TNRC6B: variants seen among roughly 807,000 people sequenced by gnomAD.
TNRC6B encodes the protein trinucleotide repeat containing adaptor 6B, also known as trinucleotide repeat-containing gene 6B protein.
Under a neutral mutation model 203.6 loss-of-function variants are expected in TNRC6B, and 52 were observed. The ratio of observed to expected loss-of-function variants is 0.26; its 90% CI spans 0.20 to 0.32. The LOEUF is 0.32. Ranked by LOEUF, TNRC6B falls within the 10% of genes least tolerant of loss-of-function variation. TNRC6B has a pLI of 1.00. For missense variants in TNRC6B, 1,923 were observed against 2,286.2 expected (o/e 0.84, Z 3.24); for synonymous variants, 838 against 845.7 (o/e 0.99, Z 0.16).
intron 1 of TNRC6B, among the ~76,000 whole-genome samples, chr22:40,087,977 C>T (rs1312734607): frequency 6.6e-6 from 1 of 152,088 alleles, no homozygotes; most frequent in Admixed American, 6.6e-5. Context: ...CAGCTTTTCT[C>T]TCCTATTTCT....
chr22:40,121,631 G>A (rs2068446635), intron 2 of TNRC6B, among the ~76,000 whole-genome samples: 1 of 152,218 alleles, frequency 6.6e-6, no homozygotes. Context: ...GGCCAGAGCA[G>A]CCAGTGTATG....
chr22:40,119,767 T>C (rs1257458353), intron 2 of TNRC6B, among the ~76,000 whole-genome samples: 4 of 152,238 alleles, frequency 2.6e-5, no homozygotes. Flanking sequence ...ACATTAGACT[T>C]TGTCACTTCT....
chr22:40,134,305 T>C (rs1196201483), intron 3 of TNRC6B, among the ~76,000 whole-genome samples: 1 of 152,212 alleles, frequency 6.6e-6, no homozygotes. Flanking sequence ...CAATTTCTAG[T>C]TGTCTTCCCT....
At chr22:40,120,228 T>C (rs375661208) in intron 2 of TNRC6B, among the ~76,000 whole-genome samples, 16 of 151,906 alleles carry the variant, frequency 1.1e-4, no homozygotes, top group South Asian at 1.0e-3. Flanking sequence ...CATGGTGATG[T>C]GTACCTGTAG....
At chr22:40,186,255 G>C (rs1049797751) in intron 1 of TNRC6B, among the ~76,000 whole-genome samples, 3 of 152,072 alleles carry the variant, frequency 2.0e-5, no homozygotes, top group Non-Finnish European at 1.5e-5. Context: ...AGAACTGTTC[G>C]ATCACAGGTG....
At chr22:40,176,422 C>T (rs1381506150), upstream of TNRC6B, among the ~76,000 whole-genome samples, 1 of 151,962 alleles carries the variant, frequency 6.6e-6, no homozygotes, top group African/African-American at 2.4e-5. Context: ...CCACCGCACC[C>T]GGCCTCATGC....
chr22:40,099,662 T>G (rs1163096061), intron 1 of TNRC6B, among the ~76,000 whole-genome samples: 1 of 152,244 alleles, frequency 6.6e-6, no homozygotes, highest in African/African-American at 2.4e-5. Context: ...ACCTAGAGAT[T>G]ACATTTAAAG....
Position 40,239,236 on chromosome 22 carries a change from A to G in TNRC6B, c.6-6779A>G, listed in dbSNP as rs560643264. The stretch of plus-strand genomic sequence containing the variant: ...AAGAAAAGTGCCTGGCTCATATTAG[A>G]CAATAAATGTTTGTTAAAGGAATGA... On this transcript the variant is annotated intron_variant, in intron 1 of 22. Coordinates refer to ENST00000454349, the MANE Select transcript of TNRC6B (RefSeq NM_001162501.2). 4.6e-5 allele frequency among the ~76,000 whole-genome samples: 7 copies of G among 152,272 alleles called. No homozygotes were observed. In the East Asian group the frequency reaches 1.3e-3, roughly 29 times the overall value.
In TNRC6B at chr22:40,264,909, G is replaced by A. The variant is rs1244666725; in HGVS notation, c.679G>A (p.Glu227Lys). The A allele has an allele frequency of 6.2e-7, 1 of 1,613,924 alleles. No homozygotes were observed. The highest frequency in any genetic ancestry group is 1.1e-5 in the South Asian group (1 of 91,076). Reference protein sequence around the residue: ...DNNSASNPGSEKSTLPGSTTS... With the variant: ...DNNSASNPGSKKSTLPGSTTS... ...CAACAGTGCCTCGAACCCTGGCTCTGAGAAGAGCACTCTGCCAGGAAGCAC... is the reference window on the plus strand; with the variant it reads ...CAACAGTGCCTCGAACCCTGGCTCTAAGAAGAGCACTCTGCCAGGAAGCAC... The change falls in exon 5 of 23, where the codon GAG becomes AAG. Residue 227 changes from glutamate to lysine, a missense_variant. This residue lies in a region of TNRC6B where 614 missense variants were observed against 587.7 expected (regional missense o/e 1.04). Coordinates refer to ENST00000454349, the MANE Select transcript of TNRC6B (RefSeq NM_001162501.2).
intron 7 of TNRC6B, among the ~76,000 whole-genome samples, chr22:40,276,594 G>A (rs959786546): frequency 2.0e-5 from 3 of 152,120 alleles, no homozygotes; most frequent in African/African-American, 7.2e-5. Flanking sequence ...TTACCACCAG[G>A]ACCAATGTCT....
At chr22:40,080,742 C>T (rs2068057340) in intron 1 of TNRC6B, among the ~76,000 whole-genome samples, 1 of 152,096 alleles carries the variant, frequency 6.6e-6, no homozygotes, top group African/African-American at 2.4e-5. Context: ...AGCCACATCT[C>T]TTTTGTGAAG....
intron 1 of TNRC6B, among the ~76,000 whole-genome samples, chr22:40,114,518 T>G (rs1192665494): frequency 1.3e-5 from 2 of 152,118 alleles, no homozygotes; most frequent in East Asian, 3.9e-4. Context: ...AGATAGGGTC[T>G]TCCTGTGTTG....
intron 2 of TNRC6B, among the ~76,000 whole-genome samples, chr22:40,120,438 G>A (rs1481801433): frequency 6.6e-6 from 1 of 152,042 alleles, no homozygotes; most frequent in Non-Finnish European, 1.5e-5. Context: ...GATATACATA[G>A]AGAGAGATTA....
At chr22:40,234,067 C>T (rs1259729753) in intron 1 of TNRC6B, among the ~76,000 whole-genome samples, 1 of 152,178 alleles carries the variant, frequency 6.6e-6, no homozygotes, top group Admixed American at 6.5e-5. Flanking sequence ...AGGAGTATTG[C>T]TTGAGTCCAG....
intron 11 of TNRC6B, among the ~76,000 whole-genome samples, chr22:40,284,390 A>C (rs1486739746): frequency 6.6e-6 from 1 of 152,162 alleles, no homozygotes; most frequent in Non-Finnish European, 1.5e-5. Flanking sequence ...CTTTAAAATT[A>C]CCTTAATCCA....
chr22:40,177,087 T>A (rs2069070082), upstream of TNRC6B, among the ~76,000 whole-genome samples: 1 of 152,080 alleles, frequency 6.6e-6, no homozygotes, highest in Non-Finnish European at 1.5e-5. Context: ...TTGGGTTTCT[T>A]AAGTGGGTAG....
chr22:40,152,113 G>A (rs546887965), intron 3 of TNRC6B, among the ~76,000 whole-genome samples: 1 of 152,146 alleles, frequency 6.6e-6, no homozygotes, highest in African/African-American at 2.4e-5. Flanking sequence ...ATAAATGAAA[G>A]CTCCTAAAAG....
chr22:40,321,000 C>A, intron 21 of TNRC6B, 90 bp from the exon 22 acceptor site: 1 of 1,489,712 alleles, frequency 6.7e-7, no homozygotes, highest in Non-Finnish European at 9.2e-7. Flanking sequence ...AATGGGCACA[C>A]TAGGTCTCAG....
intron 1 of TNRC6B, among the ~76,000 whole-genome samples, chr22:40,187,253 C>T (rs1453655424): frequency 6.6e-6 from 1 of 152,184 alleles, no homozygotes; most frequent in African/African-American, 2.4e-5. Context: ...TTAGCACCAT[C>T]GCAAAGCATT....
Sources: allele counts gnomAD v4.1 joint callset (sites outside exome capture counted in the v4.1 genomes callset), GRCh38; gene constraint gnomAD v4.1.1; regional missense constraint gnomAD v4.1.1; transcripts MANE v1.5; gene names NCBI Gene and HGNC (gene_info 2026-07-23, HGNC 2026-07-21).